Variants in CSNK2A2IP observed in about 807,000 individuals in gnomAD.
The protein encoded by CSNK2A2IP is casein kinase 2 subunit alpha' interacting protein, also known as casein kinase II subunit alpha'-interacting protein.
At chr3:88,388,020 C>T in the CSNK2A2IP span, among the ~76,000 whole-genome samples, 3 of 152,178 alleles carry the variant, frequency 2.0e-5, no homozygotes, top group Non-Finnish European at 4.4e-5. Flanking sequence ...TTATAATCCT[C>T]CTTTCCCATA....
At chr3:88,389,932 G>A in the CSNK2A2IP span, among the ~76,000 whole-genome samples, 3 of 151,386 alleles carry the variant, frequency 2.0e-5, no homozygotes, top group Admixed American at 6.6e-5. Flanking sequence ...AACCATGTTA[G>A]TATACTTCCT....
At chr3:88,460,203 C>T in the CSNK2A2IP span, among the ~76,000 whole-genome samples, 2 of 151,958 alleles carry the variant, frequency 1.3e-5, no homozygotes, top group Non-Finnish European at 2.9e-5. Context: ...TTTATAGCCT[C>T]ATTGAATTTT....
At chr3:88,431,725 G>A in the CSNK2A2IP span, among the ~76,000 whole-genome samples, 18 of 152,094 alleles carry the variant, frequency 1.2e-4, no homozygotes, top group Non-Finnish European at 2.4e-4. Context: ...TGAGTTGTGG[G>A]CACAGGTCTT....
chr3:88,467,222 C>G, the CSNK2A2IP span: 1 of 401,058 alleles, frequency 2.5e-6, no homozygotes, highest in Non-Finnish European at 4.4e-6. Context: ...TCCTCCTCCA[C>G]CACCTCCTCC....
chr3:88,449,874 T>TATATATAGAGAGAGAGAGAGAGAG, the CSNK2A2IP span, among the ~76,000 whole-genome samples: 29 of 70,038 alleles, frequency 4.1e-4, no homozygotes, highest in South Asian at 1.3e-3. Context: ...TATATATATA[T>TATATATAGAGAGAGAGAGAGAGAG]AGAGAGAGAG....
the CSNK2A2IP span, among the ~76,000 whole-genome samples, chr3:88,377,066 G>C: frequency 1.3e-5 from 2 of 151,662 alleles, no homozygotes; most frequent in Admixed American, 1.3e-4. Context: ...TCCTTCCAAT[G>C]GCCAACTCAC....
the CSNK2A2IP span, among the ~76,000 whole-genome samples, chr3:88,413,801 T>A: frequency 3.9e-5 from 6 of 151,972 alleles, no homozygotes; most frequent in Non-Finnish European, 5.9e-5. Context: ...AGAAGTGTGA[T>A]TAATTAATAA....
chr3:88,390,880 A>T, the CSNK2A2IP span, among the ~76,000 whole-genome samples: 24 of 152,346 alleles, frequency 1.6e-4, no homozygotes, highest in African/African-American at 5.8e-4. Context: ...GATGGTATTA[A>T]TACAATTATT....
At chr3:88,465,500 C>T in the CSNK2A2IP span, 2 of 1,231,718 alleles carry the variant, frequency 1.6e-6, no homozygotes, top group South Asian at 4.1e-5. Flanking sequence ...AAAGTGCAAT[C>T]CCATAGCAAT....
chr3:88,345,728 C>A, the CSNK2A2IP span, among the ~76,000 whole-genome samples: 1 of 151,786 alleles, frequency 6.6e-6, no homozygotes, highest in Non-Finnish European at 1.5e-5. Flanking sequence ...CCCCGTCTCT[C>A]TTTCTTTAGA....
chr3:88,352,924 T>C, the CSNK2A2IP span, among the ~76,000 whole-genome samples: 4 of 152,150 alleles, frequency 2.6e-5, no homozygotes, highest in Non-Finnish European at 5.9e-5. Context: ...CTTCAGAAAT[T>C]GAGAGACACA....
the CSNK2A2IP span, among the ~76,000 whole-genome samples, chr3:88,450,408 C>T: frequency 6.6e-6 from 1 of 152,112 alleles, no homozygotes; most frequent in Non-Finnish European, 1.5e-5. Flanking sequence ...TGTAGACTTG[C>T]TAATCCAACA....
the CSNK2A2IP span, among the ~76,000 whole-genome samples, chr3:88,393,408 G>T: frequency 2.0e-5 from 3 of 152,158 alleles, no homozygotes; most frequent in African/African-American, 7.2e-5. Flanking sequence ...TTTTAGGAAT[G>T]GAAGGAGAGT....
the CSNK2A2IP span, among the ~76,000 whole-genome samples, chr3:88,375,909 G>A: frequency 6.6e-6 from 1 of 151,542 alleles, no homozygotes; most frequent in African/African-American, 2.4e-5. Flanking sequence ...ACCCCATTTT[G>A]TGTCATCCCC....
At chr3:88,349,663 T>A in the CSNK2A2IP span, among the ~76,000 whole-genome samples, 1 of 152,088 alleles carries the variant, frequency 6.6e-6, no homozygotes, top group Non-Finnish European at 1.5e-5. Flanking sequence ...GTAGTGGGAT[T>A]GCTGAATTGA....
chr3:88,339,934 T>A, the CSNK2A2IP span, among the ~76,000 whole-genome samples: 1 of 152,004 alleles, frequency 6.6e-6, no homozygotes, highest in Admixed American at 6.6e-5. Flanking sequence ...ATTATAACTG[T>A]CTCCATTCAC....
the CSNK2A2IP span, among the ~76,000 whole-genome samples, chr3:88,373,042 A>G: frequency 4.6e-5 from 7 of 151,530 alleles, no homozygotes; most frequent in African/African-American, 1.7e-4. Context: ...ACAGCTGTAA[A>G]TTATGTTTCT....
At chr3:88,362,330 T>C in the CSNK2A2IP span, among the ~76,000 whole-genome samples, 7 of 152,326 alleles carry the variant, frequency 4.6e-5, 2 homozygotes, top group Admixed American at 4.6e-4. Flanking sequence ...GGGAGTGATC[T>C]AAACCCAGCA....
At chr3:88,347,018 C>A in the CSNK2A2IP span, among the ~76,000 whole-genome samples, 154 of 151,970 alleles carry the variant, frequency 1.0e-3, 1 homozygote, top group Middle Eastern at 3.4e-3. Context: ...GAGTTGATTC[C>A]AACCCGCATT....
Sources: gnomAD v4.1 joint callset for allele counts (sites outside exome capture counted in the v4.1 genomes callset) on GRCh38, gnomAD v4.1.1 for gene constraint, MANE v1.5 for transcripts, NCBI Gene and HGNC (gene_info 2026-07-23, HGNC 2026-07-21) for gene names.